The following CCDC93 variants were observed in gnomAD, a reference collection of about 807,000 sequenced individuals.
CCDC93 encodes the protein CCC complex scaffolding subunit CCDC93.
A neutral mutation model predicts 108.2 loss-of-function variants in CCDC93; 61 were observed. The ratio of observed to expected loss-of-function variants is 0.56; its 90% CI spans 0.46 to 0.70. The LOEUF (loss-of-function observed/expected upper bound fraction) is 0.70, where lower values mean the gene tolerates loss of function less well. Among genes scored for constraint, CCDC93 ranks in the 30% least tolerant of loss-of-function variants. The probability of loss-of-function intolerance (pLI) is 0.00; values close to 1 mark genes in which losing one functional copy is unlikely to be tolerated. For missense variants in CCDC93, 685 were observed against 764.2 expected (o/e 0.90, Z 1.22); for synonymous variants, 276 against 260.4 (o/e 1.06, Z -0.58).
At chr2:117,994,153 T>C (rs1371520743) in intron 6 of CCDC93, among the ~76,000 whole-genome samples, 1 of 152,194 alleles carries the variant, frequency 6.6e-6, no homozygotes, top group African/African-American at 2.4e-5. Flanking sequence ...ATGGAAGAAA[T>C]ATGTCCAAAA....
At chr2:117,965,743 G>A (rs182546411) in intron 11 of CCDC93, among the ~76,000 whole-genome samples, 4 of 152,110 alleles carry the variant, frequency 2.6e-5, no homozygotes, top group East Asian at 1.9e-4. Flanking sequence ...CCTGACTCAC[G>A]CGTAACGCAA....
At chr2:118,008,763 T>C (rs945078819) in intron 1 of CCDC93, 105 bp from the exon 2 acceptor site, 12 of 692,742 alleles carry the variant, frequency 1.7e-5, no homozygotes, top group Non-Finnish European at 2.6e-5. Context: ...GTAGATGACA[T>C]TGGCTACATC....
intron 2 of CCDC93, among the ~76,000 whole-genome samples, chr2:118,007,794 C>A (rs10173849): frequency 0.21 from 31,226 of 152,172 alleles, 3,377 homozygotes; most frequent in Middle Eastern, 0.31. Flanking sequence ...ACCAAAATTT[C>A]AATGAGTGAA....
intron 8 of CCDC93, among the ~76,000 whole-genome samples, chr2:117,976,526 A>G (rs904105535): frequency 6.6e-6 from 1 of 152,248 alleles, no homozygotes; most frequent in African/African-American, 2.4e-5. Flanking sequence ...CTAAGTACCA[A>G]TAACTAATAC....
chr2:117,993,340 G>A (rs1198308472), intron 6 of CCDC93, among the ~76,000 whole-genome samples: 1 of 149,612 alleles, frequency 6.7e-6, no homozygotes, highest in Non-Finnish European at 1.5e-5. Context: ...AGGTTGCAGT[G>A]AGCCGAGACA....
intron 7 of CCDC93, among the ~76,000 whole-genome samples, chr2:117,981,614 C>T (rs1191611783): frequency 6.6e-6 from 1 of 152,140 alleles, no homozygotes; most frequent in African/African-American, 2.4e-5. Context: ...TAGAACAGCA[C>T]AGTACAAAAG....
intron 12 of CCDC93, among the ~76,000 whole-genome samples, chr2:117,954,388 T>C (rs1008158762): frequency 1.3e-5 from 2 of 152,186 alleles, no homozygotes; most frequent in Admixed American, 6.5e-5. Flanking sequence ...AAGTAAGAGC[T>C]TTCTAAGAAG....
chr2:117,994,656 G>A (rs1318175678), intron 6 of CCDC93, among the ~76,000 whole-genome samples: 1 of 152,124 alleles, frequency 6.6e-6, no homozygotes, highest in African/African-American at 2.4e-5. Flanking sequence ...AATGACACAA[G>A]GTATGTAACC....
intron 13 of CCDC93, 98 bp from the exon 14 acceptor site, chr2:117,949,493 G>A (rs1329874160): frequency 3.4e-6 from 3 of 890,546 alleles, no homozygotes; most frequent in Non-Finnish European, 5.3e-6. Context: ...ACTTTTTAAA[G>A]AAGAAACTTA....
chr2:117,935,986 C>G (rs1274187413), intron 21 of CCDC93: 1 of 154,730 alleles, frequency 6.5e-6, no homozygotes, highest in Non-Finnish European at 1.4e-5. Context: ...GAGACATATT[C>G]TGAGATTTCC....
At chr2:117,982,950 T>C (rs1394813898) in intron 7 of CCDC93, among the ~76,000 whole-genome samples, 1 of 152,232 alleles carries the variant, frequency 6.6e-6, no homozygotes, top group Non-Finnish European at 1.5e-5. Flanking sequence ...GTCCACGGGC[T>C]GTTGCCCCCA....
intron 22 of CCDC93, among the ~76,000 whole-genome samples, chr2:117,932,012 A>C (rs1394269608): frequency 1.3e-5 from 2 of 152,142 alleles, no homozygotes; most frequent in Admixed American, 1.3e-4. Flanking sequence ...AATATTCGCA[A>C]CACTGATCGG....
rs1481588427 is a variant in CCDC93, at chr2:117,919,851, T to G, written c.*492A>C. 2 of 152,548 alleles carry G rather than the reference T, an allele frequency of 1.3e-5. No individual in the cohort carries two copies. The highest frequency in any genetic ancestry group is 3.8e-4 in the East Asian group (2 of 5,204). The allele number at this position is 152,548 out of a possible 1,614,324, so 9.4% of individuals were successfully genotyped here. A position where few individuals can be genotyped will look rare whatever the true frequency, so the allele number is the denominator to read the frequency against. Reference sequence around the variant, plus strand: ...AATGCCTTCTGTTTACTGAAAAACATCTTGGATAGCCCAGTTCTGCGGTCA... The same window carrying G: ...AATGCCTTCTGTTTACTGAAAAACAGCTTGGATAGCCCAGTTCTGCGGTCA... On this transcript the variant is annotated 3_prime_UTR_variant, in exon 24 of 24. Transcript: ENST00000376300.
At chr2:117,952,821 C>CA (rs1236463717) in intron 12 of CCDC93, among the ~76,000 whole-genome samples, 7 of 152,178 alleles carry the variant, frequency 4.6e-5, no homozygotes, top group African/African-American at 1.7e-4. Flanking sequence ...GGGCTACAAT[C>CA]AATGCAGTTA....
At chr2:117,927,595 C>A (rs981347733) in intron 23 of CCDC93, among the ~76,000 whole-genome samples, 1 of 151,972 alleles carries the variant, frequency 6.6e-6, no homozygotes, top group East Asian at 1.9e-4. Context: ...AACCACTGCT[C>A]GATGAAATAA....
chr2:117,943,920 T>C, intron 18 of CCDC93, 104 bp downstream of exon 18: 1 of 704,598 alleles, frequency 1.4e-6, no homozygotes, highest in Non-Finnish European at 2.3e-6. Context: ...GCCTCATTAC[T>C]TATTTTCTCT....
At chr2:117,975,161 C>T (rs780321963) in intron 9 of CCDC93, 27 bp downstream of exon 9, 2 of 1,585,882 alleles carry the variant, frequency 1.3e-6, no homozygotes, top group African/African-American at 1.3e-5. Context: ...ACACAGAAAC[C>T]TCAGAGGGCC....
chr2:117,935,506 TTTGC>T lies in CCDC93; in HGVS notation c.1713_1716del (p.Gln572ValfsTer3). 1 of 1,613,162 alleles carries T rather than the reference TTTGC, an allele frequency of 6.2e-7. No homozygotes were observed. Among genetic ancestry groups the T allele is most frequent in the Non-Finnish European group, 8.5e-7 (1 of 1,179,228 alleles). On this transcript the variant is annotated frameshift_variant, in exon 22 of 24. Transcript: ENST00000376300. LOFTEE classifies it high-confidence loss of function. Reference sequence around the variant, plus strand: ...AGAAGCCATCTGACCTTCATTCTACTTTGCTTAATTCCTTCCACAATCTGTTCCA... The same window carrying T: ...AGAAGCCATCTGACCTTCATTCTACTTTAATTCCTTCCACAATCTGTTCCA...
intron 11 of CCDC93, among the ~76,000 whole-genome samples, chr2:117,964,287 T>A (rs1679485596): frequency 6.6e-6 from 1 of 152,154 alleles, no homozygotes; most frequent in Non-Finnish European, 1.5e-5. Context: ...ACCAGCTAAT[T>A]CGTAAGTAAA....
Sources: allele counts gnomAD v4.1 joint callset (sites outside exome capture counted in the v4.1 genomes callset), GRCh38; gene constraint gnomAD v4.1.1; transcripts MANE v1.5; gene names NCBI Gene and HGNC (gene_info 2026-07-23, HGNC 2026-07-21).